The following MAX variants were observed in gnomAD, a reference collection of about 807,000 sequenced individuals.
MAX encodes MYC associated transcriptional regulator X, also known as protein max.
A neutral mutation model predicts 22.3 loss-of-function variants in MAX; 3 were observed. That is an observed-to-expected ratio of 0.13 (90% CI 0.06 to 0.35). The LOEUF (loss-of-function observed/expected upper bound fraction) is 0.35. Ranked by LOEUF, MAX falls within the 10% of genes least tolerant of loss-of-function variation. The pLI is 1.00. For missense variants in MAX, 119 were observed against 209.4 expected (o/e 0.57, Z 2.66); for synonymous variants, 72 against 77.7 (o/e 0.93, Z 0.39).
Position 65,093,552 on chromosome 14 carries a change from T to G in MAX, c.171+156A>C, listed in dbSNP as rs564279702. 5 of 683,362 alleles carry G rather than the reference T, an allele frequency of 7.3e-6. No individual in the cohort carries two copies. Among genetic ancestry groups the G allele is most frequent in the Non-Finnish European group, 1.4e-5 (5 of 370,218 alleles). The allele number at this position is 683,362 out of a possible 1,614,324, so 42.3% of individuals were successfully genotyped here. On this transcript the variant is annotated intron_variant, in intron 3 of 4. Transcript: ENST00000358664. This position sits in a 1 kb window ranked among gnomAD's most constrained non-coding sequence, Gnocchi z 4.4. The stretch of plus-strand genomic sequence containing the variant: ...TAAGGATAAACTGGAGTACGTAAGG[T>G]GTGCAGTGATCCTCCAAACAGTCAA...
Position 65,044,434 on chromosome 14 carries a change from C to T in MAX, c.172-38150G>A, listed in dbSNP as rs773699138. On this transcript the variant is annotated intron_variant, in intron 3 of 3. Coordinates refer to the MAX transcript ENST00000341653. The surrounding 1 kb of genome is among the most constrained non-coding windows in gnomAD (Gnocchi z 5.5). ...CCTGCCCCTGCTCCACCGCGCACTG[C>T]ACGCCCAAGGTGAGCCTGGGGAGCT... 6.2e-7 allele frequency: 1 copy of T among 1,609,964 alleles called. No individual in the cohort carries two copies.
At chr14:65,008,613 G>A (rs1347332808) in intron 3 of MAX, among the ~76,000 whole-genome samples, 1 of 152,270 alleles carries the variant, frequency 6.6e-6, no homozygotes, top group Non-Finnish European at 1.5e-5. Flanking sequence ...ATCTGTAGGT[G>A]GAATAGGGGT....
chr14:65,013,114 A>G (rs2061709507), intron 3 of MAX, among the ~76,000 whole-genome samples: 1 of 152,004 alleles, frequency 6.6e-6, no homozygotes, highest in Non-Finnish European at 1.5e-5. Flanking sequence ...TCTATTTTTA[A>G]TCTGCTTTTT....
chr14:65,087,920 C>T (rs55658675), intron 3 of MAX, among the ~76,000 whole-genome samples: 40,987 of 151,930 alleles, frequency 0.27, 6,105 homozygotes, highest in Non-Finnish European at 0.34. Flanking sequence ...AATTGAATCA[C>T]GGGGACAGGT....
intron 3 of MAX, chr14:65,083,615 A>T: frequency 1.9e-6 from 1 of 540,392 alleles, no homozygotes; most frequent in Non-Finnish European, 2.4e-6. Flanking sequence ...CAATAATCTT[A>T]ACTCTACTGA....
chr14:65,094,219 G>GT, intron 2 of MAX: 1 of 285,760 alleles, frequency 3.5e-6, no homozygotes, highest in East Asian at 8.4e-5. Flanking sequence ...CACCTCCACT[G>GT]TAAGAGATTC....
chr14:65,078,262 C>T lies in MAX; in HGVS notation c.172-226G>A, dbSNP rs1377370114. On this transcript the variant is annotated intron_variant, in intron 3 of 4. Coordinates refer to ENST00000358664, the MANE Select transcript of MAX (RefSeq NM_002382.5). This position sits in a 1 kb window ranked among gnomAD's most constrained non-coding sequence, Gnocchi z 6.4. ...TGTTGCCCAAGCTGGAGTGCAACAGCGTGATCTTGGCTGACAGCAACCTCC... is the reference window on the plus strand; with the variant it reads ...TGTTGCCCAAGCTGGAGTGCAACAGTGTGATCTTGGCTGACAGCAACCTCC... Among the ~76,000 whole-genome samples, 1 of 152,046 alleles carries T rather than the reference C, an allele frequency of 6.6e-6. No homozygotes were observed. Among genetic ancestry groups the T allele is most frequent in the Non-Finnish European group, 1.5e-5 (1 of 68,012 alleles).
Position 65,031,979 on chromosome 14 carries a change from CGTGTGTGTGTGTGTGT to C in MAX, c.172-25711_172-25696del, listed in dbSNP as rs563468928. Among the ~76,000 whole-genome samples, 5 of 141,194 alleles carry C rather than the reference CGTGTGTGTGTGTGTGT, an allele frequency of 3.5e-5. No homozygotes were observed. The highest frequency in any genetic ancestry group is 1.3e-4 in the African/African-American group (5 of 37,786). 92.6% of individuals were successfully genotyped at this position (141,194 alleles called of 152,430 possible). On this transcript the variant is annotated intron_variant, in intron 3 of 3. Transcript: ENST00000341653. This position sits in a 1 kb window ranked among gnomAD's most constrained non-coding sequence, Gnocchi z 4.6. ...ATAGACGTGCGCCTTTTTCATTTAACGTGTGTGTGTGTGTGTGTGTGTGTGTGTGTGTGTGTGTGTA... is the reference window on the plus strand; with the variant it reads ...ATAGACGTGCGCCTTTTTCATTTAACGTGTGTGTGTGTGTGTGTGTGTGTA...
At position 65,077,733 on chromosome 14, in the gene MAX, G is replaced by A. The variant is rs564075410; in HGVS notation, c.295+180C>T. ...TAGCTTCCACTGTCTCCTCACTGGCGCCTCAGGTCCTTCCTCAGGACGGCT... is the reference window on the plus strand; with the variant it reads ...TAGCTTCCACTGTCTCCTCACTGGCACCTCAGGTCCTTCCTCAGGACGGCT... On this transcript the variant is annotated intron_variant, in intron 4 of 4. Transcript: ENST00000358664. The surrounding 1 kb of genome is among the most constrained non-coding windows in gnomAD (Gnocchi z 6.3). 5.2e-5 allele frequency: 83 copies of A among 1,602,264 alleles called. No individual in the cohort carries two copies. Among genetic ancestry groups the A allele is most frequent in the Non-Finnish European group, 6.6e-5 (78 of 1,175,548 alleles).
intron 3 of MAX, among the ~76,000 whole-genome samples, chr14:65,026,394 G>A (rs80339922): frequency 0.023 from 3,458 of 152,294 alleles, 66 homozygotes; most frequent in Non-Finnish European, 0.036. Context: ...CTCAGTGAGG[G>A]AATGGGAGCC....
In MAX at chr14:65,018,809, TAAA is replaced by T. The variant is rs34066098; in HGVS notation, c.172-12528_172-12526del. ...TGGAGGACAGAGTGAGACTCTGTCT[TAAA>T]AAAAAAAAAAAAAAAAGGCCAGGCG... On this transcript the variant is annotated intron_variant, in intron 3 of 3. Coordinates refer to the MAX transcript ENST00000341653. Among the ~76,000 whole-genome samples, 559 of 108,446 alleles carry T rather than the reference TAAA, an allele frequency of 5.2e-3. 9 individuals are homozygous for T. The highest frequency in any genetic ancestry group is 0.031 in the South Asian group (103 of 3,364). 71.1% of individuals were successfully genotyped at this position (108,446 alleles called of 152,430 possible).
intron 3 of MAX, among the ~76,000 whole-genome samples, chr14:65,041,625 A>G (rs2062355708): frequency 6.6e-6 from 1 of 152,192 alleles, no homozygotes. Flanking sequence ...TTCAGATGCC[A>G]GCCTCCCGTT....
rs1027638872 is a variant in MAX, at chr14:65,069,023, G to A, written c.171+24685C>T. 6.6e-6 allele frequency among the ~76,000 whole-genome samples: 1 copy of A among 152,098 alleles called. No individual in the cohort carries two copies. The highest frequency in any genetic ancestry group is 2.4e-5 in the African/African-American group (1 of 41,428). ...CAAGGGTGCTGCTCCCAGGTGTGCT[G>A]AACAGAGAGGTAGCCAGGTAAGGCA... On this transcript the variant is annotated intron_variant, in intron 3 of 3. Coordinates refer to the MAX transcript ENST00000341653. The surrounding 1 kb of genome is among the most constrained non-coding windows in gnomAD (Gnocchi z 4.6).
chr14:65,038,846 T>G (rs1230246244), intron 3 of MAX, among the ~76,000 whole-genome samples: 1 of 152,246 alleles, frequency 6.6e-6, no homozygotes, highest in East Asian at 1.9e-4. Context: ...ATTTTTGTAA[T>G]CCTATTTTTA....
chr14:65,021,742 T>C (rs111902422), intron 3 of MAX, among the ~76,000 whole-genome samples: 2,957 of 152,144 alleles, frequency 0.019, 86 homozygotes, highest in East Asian at 0.085. Context: ...ACCTTCCGGG[T>C]TCAAGCGATT....
chr14:65,044,437 G>A lies in MAX; in HGVS notation c.172-38153C>T, dbSNP rs764500262. 5 of 1,607,662 alleles carry A rather than the reference G, an allele frequency of 3.1e-6. No individual in the cohort carries two copies. The South Asian group carries it at 3.3e-5, about 11-fold the overall frequency. On this transcript the variant is annotated intron_variant, in intron 3 of 3. Coordinates refer to the MAX transcript ENST00000341653. This position sits in a 1 kb window ranked among gnomAD's most constrained non-coding sequence, Gnocchi z 5.5. ...GCCCCTGCTCCACCGCGCACTGCAC[G>A]CCCAAGGTGAGCCTGGGGAGCTGTT...
At chr14:65,006,739 G>C (rs2061600411) in intron 3 of MAX, among the ~76,000 whole-genome samples, 1 of 152,210 alleles carries the variant, frequency 6.6e-6, no homozygotes, top group Non-Finnish European at 1.5e-5. Flanking sequence ...CATCAGGATA[G>C]AGCCCTTGGT....
In MAX at chr14:65,079,546, G is replaced by A. The variant is rs1381450302; in HGVS notation, c.172-1510C>T. Among the ~76,000 whole-genome samples the A allele has an allele frequency of 6.6e-5, 10 of 152,222 alleles. No individual in the cohort carries two copies. The East Asian group carries it at 9.6e-4, about 15-fold the overall frequency. ...TACAAAGCCAAGCGAAGCTCAAGGC[G>A]GGGTAGCCTAGTAGCTTAAGTATGG... is the stretch of plus-strand genomic sequence containing the variant. On this transcript the variant is annotated intron_variant, in intron 3 of 4. Transcript: ENST00000358664. The surrounding 1 kb of genome is among the most constrained non-coding windows in gnomAD (Gnocchi z 4.5).
chr14:65,067,531 CTT>C (rs923982911), intron 3 of MAX, among the ~76,000 whole-genome samples: 29 of 151,894 alleles, frequency 1.9e-4, no homozygotes, highest in African/African-American at 6.8e-4. Flanking sequence ...TTTTTGATGA[CTT>C]TGACAGTTTT....
Sources: allele counts gnomAD v4.1 joint callset (sites outside exome capture counted in the v4.1 genomes callset), GRCh38; gene constraint gnomAD v4.1.1; non-coding constraint Gnocchi (gnomAD v3.1); transcripts MANE v1.5; gene names NCBI Gene and HGNC (gene_info 2026-07-23, HGNC 2026-07-21).